CFAP45: variants seen among roughly 807,000 people sequenced by gnomAD.
CFAP45 encodes the protein cilia- and flagella-associated protein 45.
CFAP45 carries 43 observed loss-of-function variants against 75.6 expected under a neutral mutation model. The observed-to-expected ratio is 0.57, with a 90% CI of 0.45 to 0.73. The LOEUF (loss-of-function observed/expected upper bound fraction) is 0.73. Ranked by LOEUF, CFAP45 falls within the 30% of genes least tolerant of loss-of-function variation. The pLI is 0.00. For missense variants in CFAP45, 689 were observed against 701.5 expected, an observed-to-expected ratio of 0.98 and a Z score of 0.20; for synonymous variants, 223 against 244.6, an observed-to-expected ratio of 0.91 and a Z score of 0.82.
chr1:159,884,271 T>C lies in CFAP45; in HGVS notation c.897+165A>G, dbSNP rs185147890. Among the ~76,000 whole-genome samples the C allele has an allele frequency of 1.6e-3, 248 of 152,330 alleles. 3 individuals carry two copies. Among genetic ancestry groups the C allele is most frequent in the Non-Finnish European group, 2.3e-3 (155 of 68,016 alleles). Reference sequence around the variant, plus strand: ...CTGCTCATCCCGCAGCGTGACACCATGGTGAAATAAATATTTAACATGGCA... The same window carrying C: ...CTGCTCATCCCGCAGCGTGACACCACGGTGAAATAAATATTTAACATGGCA... On this transcript the variant is annotated intron_variant, in intron 7 of 11. Coordinates refer to ENST00000368099, the MANE Select transcript of CFAP45 (RefSeq NM_012337.3).
chr1:159,890,816 T>C (rs1331180041), intron 2 of CFAP45, among the ~76,000 whole-genome samples, 194 bp from the exon 3 acceptor site: 9 of 145,328 alleles, frequency 6.2e-5, no homozygotes, highest in Non-Finnish European at 1.0e-4. Context: ...TGGAGTGCAG[T>C]GGCACGATCT....
At chr1:159,892,322 T>C (rs1649848429) in intron 2 of CFAP45, among the ~76,000 whole-genome samples, 1 of 152,110 alleles carries the variant, frequency 6.6e-6, no homozygotes, top group Admixed American at 6.6e-5. Context: ...TAAATGCATC[T>C]GTTGATCCTT....
chr1:159,899,374 G>C (rs1164985941), intron 1 of CFAP45, among the ~76,000 whole-genome samples: 2 of 151,804 alleles, frequency 1.3e-5, no homozygotes, highest in African/African-American at 2.4e-5. Context: ...CCTGAGGCTC[G>C]GGCACATTAG....
At chr1:159,873,827 C>CTCCTTCCTTCCTTCCTTCCT (rs72383149) in intron 10 of CFAP45, among the ~76,000 whole-genome samples, 1 of 134,524 alleles carries the variant, frequency 7.4e-6, no homozygotes, top group South Asian at 2.7e-4. Context: ...GAGATTTCTT[C>CTCCTTCCTTCCTTCCTTCCT]TCCTTCCTTC....
chr1:159,875,030 A>G (rs1358842416), intron 10 of CFAP45, among the ~76,000 whole-genome samples: 1 of 152,200 alleles, frequency 6.6e-6, no homozygotes. Context: ...TAAAGACACC[A>G]AACATGGTGG....
At chr1:159,892,495 C>T (rs1291468019) in intron 2 of CFAP45, among the ~76,000 whole-genome samples, 1 of 152,144 alleles carries the variant, frequency 6.6e-6, no homozygotes, top group African/African-American at 2.4e-5. Context: ...CTGGCAGAGG[C>T]ATTCAGGTCA....
At chr1:159,894,649 T>C (rs1168162899) in intron 1 of CFAP45, among the ~76,000 whole-genome samples, 1 of 152,182 alleles carries the variant, frequency 6.6e-6, no homozygotes, top group Non-Finnish European at 1.5e-5. Context: ...AACCCCCTAC[T>C]AACTTCCTAT....
At chr1:159,888,627 G>C in intron 3 of CFAP45, 131 bp from the exon 4 acceptor site, 1 of 800,254 alleles carries the variant, frequency 1.2e-6, no homozygotes, top group Non-Finnish European at 2.0e-6. Flanking sequence ...GAGACGGCAA[G>C]TGTGCCATGG....
intron 4 of CFAP45, 115 bp from the exon 5 acceptor site, chr1:159,888,126 T>A (rs1370487747): frequency 7.9e-7 from 1 of 1,258,070 alleles, no homozygotes; most frequent in Non-Finnish European, 1.1e-6. Context: ...AGTGATGATG[T>A]CAGAGCCAAG....
intron 4 of CFAP45, 40 bp downstream of exon 4, chr1:159,888,312 C>A: frequency 1.3e-6 from 2 of 1,599,592 alleles, no homozygotes; most frequent in East Asian, 4.5e-5. Context: ...TTGATTCTGC[C>A]ACCCATCTGC....
At chr1:159,881,569 C>T (rs1649550757) in intron 7 of CFAP45, among the ~76,000 whole-genome samples, 1 of 152,094 alleles carries the variant, frequency 6.6e-6, no homozygotes, top group Admixed American at 6.5e-5. Context: ...AGGAAAATAG[C>T]AAATATTCGA....
intron 3 of CFAP45, among the ~76,000 whole-genome samples, chr1:159,889,308 G>T (rs1429997044): frequency 6.6e-6 from 1 of 152,166 alleles, no homozygotes; most frequent in Non-Finnish European, 1.5e-5. Flanking sequence ...CTGCTTCTGG[G>T]TGAGGCAGGT....
At chr1:159,899,832 A>C in intron 1 of CFAP45, 1 of 453,940 alleles carries the variant, frequency 2.2e-6, no homozygotes, top group Non-Finnish European at 4.0e-6. Context: ...TGTAATGGCA[A>C]CGGGGAGAGG....
At position 159,873,109 on chromosome 1, in the gene CFAP45, C is replaced by T. The variant is rs866030213; in HGVS notation, c.1412G>A (p.Arg471His). The T allele has an allele frequency of 1.4e-5, 23 of 1,614,154 alleles. No homozygotes were observed. The highest frequency in any genetic ancestry group is 1.6e-4 in the Middle Eastern group (1 of 6,062). Reference sequence around the variant, plus strand: ...CCGGAGCTCATTGGCATGCTGTAAGCGCCCTGTGGCCTTTTTCTCCTCCTC... The same window carrying T: ...CCGGAGCTCATTGGCATGCTGTAAGTGCCCTGTGGCCTTTTTCTCCTCCTC... The part of the protein sequence containing the change: ...RLEEEKKATG[R>H]LQHANELRRQ... Residue 471 changes from arginine (R) to histidine (H), a missense_variant, in exon 11 of 12, where the codon CGC becomes CAC. By Grantham distance (29) the Arg-to-His change is conservative. Transcript: ENST00000368099.
At chr1:159,882,237 T>TTCCCCCTTC (rs1374832697) in intron 7 of CFAP45, among the ~76,000 whole-genome samples, 1 of 152,120 alleles carries the variant, frequency 6.6e-6, no homozygotes, top group African/African-American at 2.4e-5. Context: ...CTCGCTCCTT[T>TTCCCCCTTC]TCCCCCTTCT....
intron 3 of CFAP45, among the ~76,000 whole-genome samples, 167 bp from the exon 4 acceptor site, chr1:159,888,663 G>A (rs1396000945): frequency 6.6e-6 from 1 of 151,724 alleles, no homozygotes; most frequent in Non-Finnish European, 1.5e-5. Context: ...GATGTTCCAA[G>A]TGGGGGGTCA....
chr1:159,873,081 G>GCGC lies in CFAP45; in HGVS notation c.1437_1439dup (p.Arg480dup). ...CCTTCTGCTGGTTCTCGCGCACCTG[G>GCGC]CGCCGGAGCTCATTGGCATGCTGTA... is the stretch of plus-strand genomic sequence containing the variant. On this transcript the variant is annotated inframe_insertion, in exon 11 of 12. Transcript: ENST00000368099. 1 of 1,614,192 alleles carries GCGC rather than the reference G, an allele frequency of 6.2e-7. No individual in the cohort carries two copies. Among genetic ancestry groups the GCGC allele is most frequent in the Non-Finnish European group, 8.5e-7 (1 of 1,180,030 alleles).
chr1:159,892,809 T>C (rs368282273), intron 2 of CFAP45, among the ~76,000 whole-genome samples: 1 of 152,188 alleles, frequency 6.6e-6, no homozygotes, highest in African/African-American at 2.4e-5. Context: ...CTATTATCCT[T>C]GGATGGAGCG....
chr1:159,895,224 T>A (rs930651412), intron 1 of CFAP45, among the ~76,000 whole-genome samples: 1 of 152,164 alleles, frequency 6.6e-6, no homozygotes, highest in Non-Finnish European at 1.5e-5. Flanking sequence ...ACTCCAGGCT[T>A]ATGATAAAGC....
Sources: allele counts gnomAD v4.1 joint callset (sites outside exome capture counted in the v4.1 genomes callset), GRCh38; gene constraint gnomAD v4.1.1; transcripts MANE v1.5; gene names NCBI Gene and HGNC (gene_info 2026-07-23, HGNC 2026-07-21).